The following PDE4B variants were observed in gnomAD, a reference collection of about 807,000 sequenced individuals.
The protein encoded by PDE4B is phosphodiesterase 4B.
In PDE4B, 20 loss-of-function variants were observed where a neutral mutation model predicts 82.2. The ratio of observed to expected loss-of-function variants is 0.24; its 90% CI spans 0.17 to 0.35. The LOEUF (loss-of-function observed/expected upper bound fraction) is 0.35. Ranked by LOEUF, PDE4B falls within the 10% of genes least tolerant of loss-of-function variation. The pLI is 1.00. For missense variants in PDE4B, 655 were observed against 907.2 expected, an observed-to-expected ratio of 0.72 and a Z score of 3.57; for synonymous variants, 320 against 318.9, an observed-to-expected ratio of 1.00 and a Z score of -0.04.
At chr1:65,920,468 T>C (rs1048670981) in intron 3 of PDE4B, among the ~76,000 whole-genome samples, 1 of 152,204 alleles carries the variant, frequency 6.6e-6, no homozygotes, top group Non-Finnish European at 1.5e-5. Flanking sequence ...TTCAAAGACA[T>C]TTTGGGAGTT....
chr1:66,136,769 G>C (rs1646066356), intron 3 of PDE4B, among the ~76,000 whole-genome samples: 1 of 150,848 alleles, frequency 6.6e-6, no homozygotes, highest in South Asian at 2.1e-4. Context: ...CAAACAGATT[G>C]CTGGGAGACA....
intron 3 of PDE4B, among the ~76,000 whole-genome samples, chr1:65,937,052 G>T (rs994932436): frequency 1.3e-5 from 2 of 152,166 alleles, no homozygotes; most frequent in African/African-American, 4.8e-5. Flanking sequence ...CCTTATGGTG[G>T]ACTCTTTCAT....
intron 2 of PDE4B, among the ~76,000 whole-genome samples, chr1:65,916,789 T>C (rs1046825676): frequency 8.6e-5 from 13 of 151,990 alleles, no homozygotes; most frequent in South Asian, 6.2e-4. Flanking sequence ...CAACATACAG[T>C]AAGTGCTAGG....
chr1:66,022,559 G>C (rs1653192062), intron 3 of PDE4B, among the ~76,000 whole-genome samples: 1 of 152,164 alleles, frequency 6.6e-6, no homozygotes, highest in African/African-American at 2.4e-5. Flanking sequence ...CATCTATTGT[G>C]ATAATCATGT....
At chr1:66,138,199 T>TCAAAAGCCAGATGATATAACACTA (rs1553150499) in intron 3 of PDE4B, among the ~76,000 whole-genome samples, 1 of 152,118 alleles carries the variant, frequency 6.6e-6, no homozygotes, top group Non-Finnish European at 1.5e-5. Context: ...AATAAAGCAA[T>TCAAAAGCCAGATGATATAACACTA]CAAAAGCCAG....
At chr1:65,886,135 A>T (rs1646773339) in intron 1 of PDE4B, among the ~76,000 whole-genome samples, 1 of 151,804 alleles carries the variant, frequency 6.6e-6, no homozygotes, top group Admixed American at 6.6e-5. Flanking sequence ...TTAATTAAAT[A>T]AAATCTATTG....
intron 7 of PDE4B, among the ~76,000 whole-genome samples, chr1:66,320,481 A>C (rs1659322365): frequency 6.6e-6 from 1 of 152,236 alleles, no homozygotes; most frequent in Non-Finnish European, 1.5e-5. Context: ...TGAATAAATC[A>C]GTAAAAAGAA....
chr1:66,106,114 A>G (rs2101036700), intron 3 of PDE4B, among the ~76,000 whole-genome samples: 1 of 152,278 alleles, frequency 6.6e-6, no homozygotes, highest in East Asian at 1.9e-4. Context: ...GATACATCCC[A>G]TCAATACCTA....
intron 7 of PDE4B, among the ~76,000 whole-genome samples, chr1:66,317,398 A>G (rs903460002): frequency 1.3e-5 from 2 of 152,056 alleles, no homozygotes; most frequent in Non-Finnish European, 2.9e-5. Context: ...GATGCTTACT[A>G]AGAAAGTCTT....
intron 4 of PDE4B, among the ~76,000 whole-genome samples, chr1:66,250,295 G>A (rs1448918153): frequency 6.6e-6 from 1 of 152,176 alleles, no homozygotes; most frequent in African/African-American, 2.4e-5. Flanking sequence ...GCTGCCGGAT[G>A]TTCCCTGCTC....
intron 3 of PDE4B, among the ~76,000 whole-genome samples, chr1:65,996,742 T>C (rs979401923): frequency 1.3e-5 from 2 of 152,226 alleles, no homozygotes; most frequent in African/African-American, 2.4e-5. Flanking sequence ...TTCAAAATTT[T>C]TCTTTGAATT....
At chr1:66,179,989 T>C (rs1647026160) in intron 3 of PDE4B, among the ~76,000 whole-genome samples, 1 of 152,324 alleles carries the variant, frequency 6.6e-6, no homozygotes, top group South Asian at 2.1e-4. Flanking sequence ...AAAACCTCAT[T>C]GACAAGGTAG....
At chr1:65,822,405 A>C (rs910767623) in intron 1 of PDE4B, among the ~76,000 whole-genome samples, 8 of 152,126 alleles carry the variant, frequency 5.3e-5, no homozygotes, top group African/African-American at 1.7e-4. Flanking sequence ...CAACTTTGCA[A>C]AATGATGCCT....
intron 3 of PDE4B, among the ~76,000 whole-genome samples, chr1:66,139,030 T>C (rs1289895300): frequency 6.6e-6 from 1 of 152,236 alleles, no homozygotes; most frequent in African/African-American, 2.4e-5. Flanking sequence ...AAAGGCAGCT[T>C]ATATTGGGAC....
chr1:66,232,386 T>G (rs753182919), intron 3 of PDE4B, among the ~76,000 whole-genome samples: 1 of 152,186 alleles, frequency 6.6e-6, no homozygotes, highest in Non-Finnish European at 1.5e-5. Context: ...TTTGCCCTTT[T>G]GGGGATATAC....
intron 7 of PDE4B, among the ~76,000 whole-genome samples, chr1:66,313,498 C>T (rs1658810278): frequency 6.6e-6 from 1 of 152,134 alleles, no homozygotes; most frequent in African/African-American, 2.4e-5. Context: ...CATGTGTGAA[C>T]CAAAGAGTTG....
chr1:65,911,143 G>C (rs1173311822), intron 1 of PDE4B, among the ~76,000 whole-genome samples: 1 of 152,108 alleles, frequency 6.6e-6, no homozygotes, highest in African/African-American at 2.4e-5. Flanking sequence ...CCATGGCTAA[G>C]ACCTTACAAA....
chr1:66,195,247 C>A (rs1648190865), intron 3 of PDE4B, among the ~76,000 whole-genome samples: 2 of 152,162 alleles, frequency 1.3e-5, no homozygotes, highest in South Asian at 4.1e-4. Context: ...TAGGACTACC[C>A]TGAAAAATTT....
chr1:66,273,820 G>A (rs936141945), intron 7 of PDE4B, among the ~76,000 whole-genome samples: 40 of 152,204 alleles, frequency 2.6e-4, no homozygotes, highest in African/African-American at 9.4e-4. Flanking sequence ...TGAGGCTCAT[G>A]TTCAGCTTTG....
Sources: allele counts gnomAD v4.1 joint callset (sites outside exome capture counted in the v4.1 genomes callset), GRCh38; gene constraint gnomAD v4.1.1; transcripts MANE v1.5; gene names NCBI Gene and HGNC (gene_info 2026-07-23, HGNC 2026-07-21).